The following CLCN5 variants were observed in gnomAD, a reference collection of about 807,000 sequenced individuals.
CLCN5 encodes the protein H(+)/Cl(-) exchange transporter 5.
Under a neutral mutation model 54.0 loss-of-function variants are expected in CLCN5, and 17 were observed. The observed-to-expected ratio is 0.31, with a 90% CI of 0.22 to 0.47. The LOEUF is 0.47. Ranked by LOEUF, CLCN5 falls within the 20% of genes least tolerant of loss-of-function variation. The pLI is 1.00. For missense variants in CLCN5, 448 were observed against 646.7 expected, an observed-to-expected ratio of 0.69 and a Z score of 3.33; for synonymous variants, 222 against 233.0, an observed-to-expected ratio of 0.95 and a Z score of 0.43.
chrX:50,069,409 G>T (rs1933148100), intron 4 of CLCN5: 3 of 509,216 alleles, frequency 5.9e-6, no homozygotes, highest in South Asian at 2.0e-4. Context: ...CTTAACTCGT[G>T]AAGAGGCCCA....
intron 3 of CLCN5, among the ~76,000 whole-genome samples, chrX:49,975,619 T>G (rs1569537729): frequency 9.0e-6 from 1 of 110,710 alleles, no homozygotes; most frequent in Non-Finnish European, 1.9e-5. Flanking sequence ...TTATCATTTT[T>G]CAGAAAGCTT....
intron 3 of CLCN5, among the ~76,000 whole-genome samples, chrX:49,997,562 A>G (rs1557179813): frequency 9.0e-6 from 1 of 110,818 alleles, no homozygotes; most frequent in Non-Finnish European, 1.9e-5. Flanking sequence ...GTCTCACTCC[A>G]TTGCCCAGGC....
intron 3 of CLCN5, among the ~76,000 whole-genome samples, chrX:50,031,531 T>TTTTTACTTTTTTA (rs1399787684): frequency 9.0e-6 from 1 of 111,312 alleles, no homozygotes; most frequent in Non-Finnish European, 1.9e-5. Flanking sequence ...CCTTTTTTAC[T>TTTTTACTTTTTTA]CATTTTCTCA....
intron 6 of CLCN5, among the ~76,000 whole-genome samples, chrX:50,073,588 G>T (rs1933302684): frequency 8.9e-6 from 1 of 112,017 alleles, no homozygotes; most frequent in African/African-American, 3.2e-5. Context: ...AGTTGTTAAT[G>T]CTGCTGCTGC....
At chrX:49,971,806 T>G (rs113033415) in intron 3 of CLCN5, among the ~76,000 whole-genome samples, 5,076 of 111,961 alleles carry the variant, frequency 0.045, 300 homozygotes, top group African/African-American at 0.16. Flanking sequence ...TTTTGTTGAA[T>G]GTATGTTTGC....
chrX:49,955,809 G>A (rs142725364), intron 3 of CLCN5, among the ~76,000 whole-genome samples: 1,152 of 111,500 alleles, frequency 0.01, 6 homozygotes, highest in Non-Finnish European at 0.016. Flanking sequence ...TAAAACTGTC[G>A]AACTGTAGTG....
chrX:49,942,121 CT>C (rs113863673), intron 3 of CLCN5, among the ~76,000 whole-genome samples: 3,500 of 95,413 alleles, frequency 0.037, 235 homozygotes, highest in African/African-American at 0.13. Context: ...ACCATTTATT[CT>C]TTTTTTTAAT....
chrX:49,995,839 GGA>G (rs781796056), intron 3 of CLCN5, among the ~76,000 whole-genome samples: 6 of 111,849 alleles, frequency 5.4e-5, no homozygotes, highest in African/African-American at 1.9e-4. Flanking sequence ...CTTTAGAGCT[GGA>G]GGGGTTGGGA....
intron 3 of CLCN5, among the ~76,000 whole-genome samples, chrX:49,989,052 A>G (rs1453122310): frequency 9.4e-6 from 1 of 106,596 alleles, no homozygotes. Context: ...CTGCTGCTCT[A>G]CTTACACTTA....
intron 3 of CLCN5, among the ~76,000 whole-genome samples, chrX:49,925,646 G>A (rs973400407): frequency 8.9e-6 from 1 of 111,760 alleles, no homozygotes; most frequent in Non-Finnish European, 1.9e-5. Flanking sequence ...TTTGTTTCTG[G>A]CAAATTTCTA....
At chrX:49,974,659 C>G (rs1285274223) in intron 3 of CLCN5, among the ~76,000 whole-genome samples, 1 of 111,812 alleles carries the variant, frequency 8.9e-6, no homozygotes, top group African/African-American at 3.2e-5. Flanking sequence ...GATTCCAAAG[C>G]TCTTTCCATA....
chrX:50,001,641 A>G (rs12852806), intron 3 of CLCN5, among the ~76,000 whole-genome samples: 9,791 of 79,677 alleles, frequency 0.12, 1,714 homozygotes, highest in African/African-American at 0.44. Context: ...ACAGGCCCCG[A>G]TGTGTGATGT....
chrX:50,006,406 CAG>C, intron 3 of CLCN5, among the ~76,000 whole-genome samples: 1 of 111,869 alleles, frequency 8.9e-6, no homozygotes, highest in South Asian at 3.8e-4. Context: ...ATGCACAGAG[CAG>C]AGAGTGCCTG....
At chrX:50,054,336 C>T (rs1378545166) in intron 4 of CLCN5, 3 of 111,414 alleles carry the variant, frequency 2.7e-5, no homozygotes, top group African/African-American at 9.8e-5. Flanking sequence ...TGTCCTTCTC[C>T]CAACTGGGAT....
intron 4 of CLCN5, among the ~76,000 whole-genome samples, chrX:50,050,599 C>T (rs184944775): frequency 2.6e-4 from 27 of 103,514 alleles, no homozygotes; most frequent in Non-Finnish European, 4.5e-4. Context: ...GATACCAGTC[C>T]TTTATCAGAT....
rs1319989700 is a variant in CLCN5, at chrX:49,984,603, CTTTT to C, written c.17-57710_17-57707del. Among the ~76,000 whole-genome samples the C allele has an allele frequency of 1.0e-4, 11 of 107,161 alleles. 1 individual carries two copies. The South Asian group carries it at 1.6e-3, about 16-fold the overall frequency. 93.1% of individuals were successfully genotyped at this position (107,161 alleles called of 115,157 possible). A position where few individuals can be genotyped will look rare whatever the true frequency, so the allele number is the denominator to read the frequency against. On this transcript the variant is annotated intron_variant, in intron 3 of 14. Coordinates refer to ENST00000376091, the MANE Select transcript of CLCN5 (RefSeq NM_001127898.4). ...TCTCTTTCGTTCCTTCTCTTCTTTT[CTTTT>C]TTGTTTTTTTCTTTTATTTCTACAG...
chrX:50,057,420 CA>C (rs1932772689), intron 4 of CLCN5, among the ~76,000 whole-genome samples: 1 of 67,827 alleles, frequency 1.5e-5, no homozygotes, highest in Admixed American at 1.5e-4. Context: ...AGATACTATC[CA>C]GGACTCTCCT....
chrX:50,046,578 G>A (rs1336720200), intron 4 of CLCN5, among the ~76,000 whole-genome samples: 4 of 111,276 alleles, frequency 3.6e-5, no homozygotes, highest in Non-Finnish European at 7.5e-5. Flanking sequence ...AGACTGCAGG[G>A]GCTAGGGTAG....
chrX:49,977,639 A>T (rs1274418295), intron 3 of CLCN5, among the ~76,000 whole-genome samples: 1 of 111,916 alleles, frequency 8.9e-6, no homozygotes, highest in Non-Finnish European at 1.9e-5. Flanking sequence ...CCAAGGTTGT[A>T]TATGAGGACC....
Sources: gnomAD v4.1 joint callset for allele counts (sites outside exome capture counted in the v4.1 genomes callset) on GRCh38, gnomAD v4.1.1 for gene constraint, MANE v1.5 for transcripts, NCBI Gene and HGNC (gene_info 2026-07-23, HGNC 2026-07-21) for gene names.